SGCZ: variants seen among roughly 807,000 people sequenced by gnomAD.
SGCZ encodes sarcoglycan zeta.
Under a neutral mutation model 41.3 loss-of-function variants are expected in SGCZ, and 40 were observed. The observed-to-expected ratio is 0.97, with a 90% CI of 0.75 to 1.26. SGCZ has a LOEUF of 1.26. SGCZ is among the 50% of genes most tolerant of loss of function. SGCZ has a pLI of 0.00. For synonymous variants in SGCZ, 206 were observed against 137.5 expected (o/e 1.50, Z -3.49); for missense variants, 552 against 369.8 (o/e 1.49, Z -4.04).
intron 1 of SGCZ, among the ~76,000 whole-genome samples, chr8:14,675,533 T>C (rs1261838200): frequency 6.6e-6 from 1 of 152,140 alleles, no homozygotes; most frequent in East Asian, 1.9e-4. Flanking sequence ...CACTTTACCA[T>C]TGTATATATA....
chr8:14,746,577 A>T (rs368023272), intron 1 of SGCZ, among the ~76,000 whole-genome samples: 38 of 152,134 alleles, frequency 2.5e-4, no homozygotes, highest in African/African-American at 6.0e-4. Context: ...CTGGCATAAG[A>T]ATGGGAAATA....
chr8:14,812,570 C>A (rs998773135), intron 1 of SGCZ, among the ~76,000 whole-genome samples: 5 of 152,012 alleles, frequency 3.3e-5, no homozygotes, highest in Non-Finnish European at 7.4e-5. Context: ...GACTGAGTAT[C>A]TTGTTTTGTA....
rs1397799185 is a variant in SGCZ at position 14,190,010 on chromosome 8, C to CTTTTTTTTT, written c.425-25309_425-25308insAAAAAAAAA. ...GGGAGAATCTACTTTTTCTTTCTTT[C>CTTTTTTTTT]TTTCTTTTTTTTTTTTTTTTGAGAC... On this transcript the variant is annotated intron_variant, in intron 4 of 7. Transcript: ENST00000382080. Among the ~76,000 whole-genome samples the CTTTTTTTTT allele has an allele frequency of 3.2e-4, 22 of 68,484 alleles. 1 individual carries two copies. The highest frequency in any genetic ancestry group is 2.9e-3 in the South Asian group (4 of 1,376). The allele number at this position is 68,484 out of a possible 152,430, so 44.9% of individuals were successfully genotyped here.
chr8:14,353,195 G>T (rs1803164490), intron 2 of SGCZ, among the ~76,000 whole-genome samples: 1 of 152,028 alleles, frequency 6.6e-6, no homozygotes, highest in Non-Finnish European at 1.5e-5. Flanking sequence ...CATGGAGTTG[G>T]TGGGAAGATT....
chr8:14,100,650 T>G (rs962320211), intron 7 of SGCZ, among the ~76,000 whole-genome samples: 2 of 149,666 alleles, frequency 1.3e-5, no homozygotes, highest in African/African-American at 4.9e-5. Context: ...TACATTAGAT[T>G]GCTAGATCAC....
chr8:14,135,946 G>T (rs1585167128), intron 5 of SGCZ, among the ~76,000 whole-genome samples: 1 of 151,996 alleles, frequency 6.6e-6, no homozygotes, highest in East Asian at 1.9e-4. Context: ...ACAAAAAATA[G>T]AAGAGGATAA....
chr8:15,001,318 T>C (rs201428352), intron 1 of SGCZ, among the ~76,000 whole-genome samples: 1 of 152,210 alleles, frequency 6.6e-6, no homozygotes, highest in African/African-American at 2.4e-5. Flanking sequence ...CTGCGGCTGT[T>C]GGATGCATCA....
intron 1 of SGCZ, among the ~76,000 whole-genome samples, chr8:15,122,627 G>A (rs995443583): frequency 6.6e-6 from 1 of 152,142 alleles, no homozygotes; most frequent in Non-Finnish European, 1.5e-5. Context: ...TGCCCAGCAT[G>A]AGCCCCTCTC....
intron 3 of SGCZ, among the ~76,000 whole-genome samples, chr8:14,257,683 C>T (rs977700245): frequency 4.7e-5 from 7 of 148,028 alleles, no homozygotes; most frequent in African/African-American, 9.9e-5. Context: ...CTTCCTGTGT[C>T]CAAGTGTTCT....
At chr8:14,274,326 T>A (rs1800160454) in intron 3 of SGCZ, among the ~76,000 whole-genome samples, 1 of 152,178 alleles carries the variant, frequency 6.6e-6, no homozygotes, top group Non-Finnish European at 1.5e-5. Context: ...CTTTTAGCAC[T>A]GTTAAGGTTT....
intron 3 of SGCZ, among the ~76,000 whole-genome samples, chr8:14,307,930 A>G (rs1801398758): frequency 2.0e-5 from 3 of 152,126 alleles, no homozygotes; most frequent in African/African-American, 7.2e-5. Context: ...ATTCCTTAAA[A>G]CGGTAGTCAG....
chr8:14,888,317 C>T (rs1323632832), intron 1 of SGCZ, among the ~76,000 whole-genome samples: 1 of 152,064 alleles, frequency 6.6e-6, no homozygotes, highest in African/African-American at 2.4e-5. Context: ...TGTTGCCAAC[C>T]ATGATTTCAT....
intron 2 of SGCZ, among the ~76,000 whole-genome samples, chr8:14,382,630 G>A (rs976392802): frequency 1.2e-4 from 19 of 152,226 alleles, no homozygotes; most frequent in African/African-American, 4.1e-4. Flanking sequence ...TGAGATTGAG[G>A]GTTAAAGAAG....
intron 3 of SGCZ, among the ~76,000 whole-genome samples, chr8:14,274,396 G>T: frequency 6.6e-6 from 1 of 152,140 alleles, no homozygotes; most frequent in Non-Finnish European, 1.5e-5. Flanking sequence ...ACCTTACTAA[G>T]CTGTGTACAA....
At chr8:14,223,157 C>G (rs939013995) in intron 4 of SGCZ, among the ~76,000 whole-genome samples, 2 of 152,086 alleles carry the variant, frequency 1.3e-5, no homozygotes, top group East Asian at 3.9e-4. Context: ...CGAATTATCA[C>G]AGATATATGG....
chr8:14,700,549 A>G (rs1220633668), intron 1 of SGCZ, among the ~76,000 whole-genome samples: 5 of 151,816 alleles, frequency 3.3e-5, no homozygotes, highest in Non-Finnish European at 7.4e-5. Flanking sequence ...CATACACCAG[A>G]CCTCAGTGAC....
intron 1 of SGCZ, among the ~76,000 whole-genome samples, chr8:14,666,902 A>G (rs959272646): frequency 1.4e-5 from 2 of 147,412 alleles, no homozygotes; most frequent in Non-Finnish European, 3.0e-5. Flanking sequence ...AAAATATTCT[A>G]TAAGAATAAA....
intron 1 of SGCZ, among the ~76,000 whole-genome samples, chr8:14,973,426 AC>A (rs1253184827): frequency 2.0e-5 from 3 of 152,168 alleles, no homozygotes; most frequent in Non-Finnish European, 4.4e-5. Flanking sequence ...TTTTCTCACT[AC>A]AGCACTTGAA....
chr8:15,041,200 A>G (rs1286366669), intron 1 of SGCZ, among the ~76,000 whole-genome samples: 1 of 151,794 alleles, frequency 6.6e-6, no homozygotes, highest in Non-Finnish European at 1.5e-5. Flanking sequence ...ATATTTCCTC[A>G]TGATCTGGCG....
Sources: allele counts gnomAD v4.1 joint callset (sites outside exome capture counted in the v4.1 genomes callset), GRCh38; gene constraint gnomAD v4.1.1; transcripts MANE v1.5; gene names NCBI Gene and HGNC (gene_info 2026-07-23, HGNC 2026-07-21).